The following MTAP variants were observed in gnomAD, a reference collection of about 807,000 sequenced individuals.
The protein encoded by MTAP is S-methyl-5'-thioadenosine phosphorylase.
In MTAP, 33 loss-of-function variants were observed where a neutral mutation model predicts 33.6. The ratio of observed to expected loss-of-function variants is 0.98; its 90% confidence interval spans 0.74 to 1.31. MTAP has a LOEUF of 1.31. MTAP is among the 40% of genes most tolerant of loss of function. The probability of loss-of-function intolerance (pLI) is 0.00; values close to 1 mark genes in which losing one functional copy is unlikely to be tolerated. For missense variants in MTAP, 367 were observed against 360.0 expected (o/e 1.02, Z -0.16); for synonymous variants, 148 against 125.7 (o/e 1.18, Z -1.19).
At chr9:21,852,729 A>C (rs1220590483) in intron 5 of MTAP, among the ~76,000 whole-genome samples, 1 of 151,224 alleles carries the variant, frequency 6.6e-6, no homozygotes, top group African/African-American at 2.4e-5. Context: ...AAAGCCTGGT[A>C]ATAATGGTTT....
intron 4 of MTAP, among the ~76,000 whole-genome samples, chr9:21,825,536 A>G (rs1466919770): frequency 2.6e-5 from 4 of 152,090 alleles, no homozygotes. Context: ...TTGTTTTGTC[A>G]TTTTGATAAT....
At chr9:21,906,370 G>C (rs1475105183) in intron 1 of MTAP, among the ~76,000 whole-genome samples, 1 of 152,116 alleles carries the variant, frequency 6.6e-6, no homozygotes, top group Non-Finnish European at 1.5e-5. Context: ...TCATTGAAAG[G>C]GTTAAACGTC....
At chr9:21,819,144 T>G (rs1199975622) in intron 4 of MTAP, among the ~76,000 whole-genome samples, 12 of 151,918 alleles carry the variant, frequency 7.9e-5, no homozygotes. Flanking sequence ...TTTCTTTTTT[T>G]TTTTTTTAAT....
Position 21,863,637 on chromosome 9 carries a change from G to A in MTAP, c.*1623G>A, listed in dbSNP as rs1563851830. 1.0e-6 allele frequency: 1 copy of A among 979,062 alleles called. No individual in the cohort carries two copies. The highest frequency in any genetic ancestry group is 1.2e-6 in the Non-Finnish European group (1 of 825,750). 60.6% of individuals were successfully genotyped at this position (979,062 alleles called of 1,614,324 possible). A position where few individuals can be genotyped will look rare whatever the true frequency, so the allele number is the denominator to read the frequency against. On this transcript the variant is annotated 3_prime_UTR_variant, in exon 8 of 8. Coordinates refer to ENST00000644715, the MANE Select transcript of MTAP (RefSeq NM_002451.4). The stretch of plus-strand genomic sequence containing the variant: ...GACTCAGTCTCAAAAAAAAAAAAAA[G>A]AGTGAAATGCTTTTTGTTTGCTTCA...
intron 1 of MTAP, among the ~76,000 whole-genome samples, chr9:21,918,671 A>C (rs1774080154): frequency 6.6e-6 from 1 of 152,164 alleles, no homozygotes; most frequent in African/African-American, 2.4e-5. Context: ...TAATTGAATC[A>C]TGGAGGTGGG....
Position 21,863,179 on chromosome 9 carries a change from A to G in MTAP, c.*1165A>G, listed in dbSNP as rs1391419596. ...AAAGACTAAATGCACATTTTATGGT[A>G]TCTGATATTTTAAAAAGTAATGTTT... is the stretch of plus-strand genomic sequence containing the variant. On this transcript the variant is annotated 3_prime_UTR_variant, in exon 8 of 8. Coordinates refer to ENST00000644715, the MANE Select transcript of MTAP (RefSeq NM_002451.4). 1 of 956,266 alleles carries G rather than the reference A, an allele frequency of 1.0e-6. No individual in the cohort carries two copies. The highest frequency in any genetic ancestry group is 1.8e-5 in the African/African-American group (1 of 56,538). The allele number at this position is 956,266 out of a possible 1,614,324, so 59.2% of individuals were successfully genotyped here.
intron 5 of MTAP, among the ~76,000 whole-genome samples, chr9:21,853,972 G>T (rs1342348213): frequency 1.3e-5 from 2 of 152,140 alleles, no homozygotes; most frequent in Non-Finnish European, 2.9e-5. Context: ...AAACACTGGA[G>T]AAAAGGATCG....
chr9:21,929,577 C>A, intron 1 of MTAP: 1 of 367,574 alleles, frequency 2.7e-6, no homozygotes, highest in South Asian at 2.7e-5. Flanking sequence ...CTTACTCCAC[C>A]AAATGCTGGT....
chr9:21,881,347 T>A (rs1818007614), intron 1 of MTAP, among the ~76,000 whole-genome samples: 1 of 152,030 alleles, frequency 6.6e-6, no homozygotes. Flanking sequence ...GATATTAAAT[T>A]TAGCATTATT....
At position 21,846,022 on chromosome 9, in the gene MTAP, A is replaced by T. The variant is rs537161817; in HGVS notation, c.450+8012A>T. ...CAAAAACATACACTGAGGAAAGGAC[A>T]CCCTATTTAACAAATGTTGCAGGAT... On this transcript the variant is annotated intron_variant, in intron 5 of 7. Transcript: ENST00000644715. 1.8e-4 allele frequency among the ~76,000 whole-genome samples: 28 copies of T among 152,296 alleles called. 1 individual carries two copies. The South Asian group carries it at 5.8e-3, about 32-fold the overall frequency.
chr9:21,881,997 G>A (rs1412440407), intron 1 of MTAP, among the ~76,000 whole-genome samples: 1 of 151,946 alleles, frequency 6.6e-6, no homozygotes, highest in Non-Finnish European at 1.5e-5. Context: ...TAAAGAAAAT[G>A]CAATTTACAT....
chr9:21,832,023 C>T (rs1396386392), intron 4 of MTAP, among the ~76,000 whole-genome samples: 1 of 152,166 alleles, frequency 6.6e-6, no homozygotes, highest in Non-Finnish European at 1.5e-5. Flanking sequence ...TCCTTTGTCA[C>T]TTAGTGTCCT....
Position 21,818,145 on chromosome 9 carries a change from C to A in MTAP, c.290C>A (p.Ser97Tyr), listed in dbSNP as rs200687016. 6.2e-7 allele frequency: 1 copy of A among 1,613,826 alleles called. No homozygotes were observed. The highest frequency in any genetic ancestry group is 8.5e-7 in the Non-Finnish European group (1 of 1,179,940). Residue 97 changes from serine (S) to tyrosine (Y), a missense_variant, in exon 4 of 8, where the codon TCC becomes TAC. Physicochemically the swap from Ser to Tyr is moderately radical, Grantham distance 144. Coordinates refer to ENST00000644715, the MANE Select transcript of MTAP (RefSeq NM_002451.4). ...GTCATAGTGACCACAGCTTGTGGCT[C>A]CTTGAGGGAGGAGATTCAGCCCGGC... ...THVIVTTACG[S>Y]LREEIQPGDI...
intron 4 of MTAP, among the ~76,000 whole-genome samples, chr9:21,822,567 G>A (rs1249690018): frequency 1.3e-5 from 2 of 152,144 alleles, no homozygotes; most frequent in Admixed American, 6.5e-5. Flanking sequence ...GTCAATTTTG[G>A]AATAAGTGTG....
intron 1 of MTAP, among the ~76,000 whole-genome samples, 193 bp from the exon 2 acceptor site, chr9:21,815,240 A>C (rs149647207): frequency 3.4e-4 from 52 of 152,326 alleles, no homozygotes; most frequent in Middle Eastern, 3.4e-3. Flanking sequence ...GAAGGCCTTC[A>C]AATGTTTGTT....
chr9:21,878,906 T>C (rs1826050343), intron 1 of MTAP, among the ~76,000 whole-genome samples: 1 of 152,238 alleles, frequency 6.6e-6, no homozygotes, highest in Non-Finnish European at 1.5e-5. Context: ...TTTATTGCGC[T>C]ATAGTCCTAG....
intron 1 of MTAP, among the ~76,000 whole-genome samples, chr9:21,890,025 T>C (rs530257818): frequency 1.3e-5 from 2 of 152,184 alleles, no homozygotes; most frequent in East Asian, 1.9e-4. Flanking sequence ...ATGTCTTTTG[T>C]CTTCAGCTAC....
intron 1 of MTAP, among the ~76,000 whole-genome samples, chr9:21,806,513 G>C (rs1447166604): frequency 6.6e-6 from 1 of 152,202 alleles, no homozygotes; most frequent in South Asian, 2.1e-4. Flanking sequence ...CTTTGCTGTA[G>C]GAGCAGAGTG....
intron 1 of MTAP, 187 bp downstream of exon 1, chr9:21,802,968 C>A (rs1824093724): frequency 3.1e-6 from 4 of 1,275,786 alleles, no homozygotes; most frequent in South Asian, 1.7e-5. Context: ...TGCAAATGAT[C>A]CCCCTGCCGC....
Sources: allele counts gnomAD v4.1 joint callset (sites outside exome capture counted in the v4.1 genomes callset), GRCh38; gene constraint gnomAD v4.1.1; transcripts MANE v1.5; gene names NCBI Gene and HGNC (gene_info 2026-07-23, HGNC 2026-07-21).